MATN2: variants seen among roughly 807,000 people sequenced by gnomAD.
MATN2 encodes the protein matrilin-2.
MATN2 carries 69 observed loss-of-function variants against 103.2 expected under a neutral mutation model. The observed-to-expected ratio is 0.67, with a 90% CI of 0.55 to 0.82. The LOEUF (loss-of-function observed/expected upper bound fraction) is 0.82, where lower values mean the gene tolerates loss of function less well. Ranked by LOEUF, MATN2 falls within the 40% of genes least tolerant of loss-of-function variation. The pLI is 0.00. For missense variants in MATN2, 1,023 were observed against 1,211.5 expected (o/e 0.84, Z 2.31); for synonymous variants, 429 against 450.2 (o/e 0.95, Z 0.60).
At chr8:98,035,540 A>G (rs1387134085) in intron 18 of MATN2, 117 bp from the exon 19 acceptor site, 9 of 595,336 alleles carry the variant, frequency 1.5e-5, no homozygotes, top group African/African-American at 1.3e-4. Flanking sequence ...CAGAAATGGG[A>G]AAAAAAACCA....
chr8:97,962,006 G>A (rs1811330112), intron 5 of MATN2, among the ~76,000 whole-genome samples: 1 of 152,198 alleles, frequency 6.6e-6, no homozygotes, highest in African/African-American at 2.4e-5. Flanking sequence ...CCAGCCATAT[G>A]GGCTCAGCGT....
chr8:98,033,232 CCAA>C, intron 17 of MATN2, 56 bp downstream of exon 17: 1 of 1,460,082 alleles, frequency 6.8e-7, no homozygotes, highest in Non-Finnish European at 9.2e-7. Context: ...TTTCGGCTTG[CCAA>C]CAACCTTAGC....
At chr8:97,921,630 C>T (rs534782569) in intron 2 of MATN2, among the ~76,000 whole-genome samples, 2 of 152,320 alleles carry the variant, frequency 1.3e-5, no homozygotes, top group South Asian at 4.1e-4. Flanking sequence ...CCCTTAAGCA[C>T]TGAGAGCTGG....
At chr8:97,902,005 G>A (rs562392800) in intron 2 of MATN2, among the ~76,000 whole-genome samples, 3 of 151,956 alleles carry the variant, frequency 2.0e-5, no homozygotes, top group Admixed American at 6.5e-5. Context: ...ACTGAGTTAC[G>A]TTTTAATAGG....
chr8:98,015,701 A>G (rs1813335627), intron 10 of MATN2, among the ~76,000 whole-genome samples: 1 of 152,106 alleles, frequency 6.6e-6, no homozygotes. Flanking sequence ...CTCTTCCTCC[A>G]TAGCACTTTT....
In MATN2 at chr8:98,035,743, T is replaced by C. The variant is rs1457614900; in HGVS notation, c.*31T>C. ...AGAAATCGCGACACATTTGTAGTCA[T>C]TGTATCACGGATTACAATGAACGCA... On this transcript the variant is annotated 3_prime_UTR_variant, in exon 19 of 19. Transcript: ENST00000254898. 7 of 1,508,742 alleles carry C rather than the reference T, an allele frequency of 4.6e-6. No homozygotes were observed. Among genetic ancestry groups the C allele is most frequent in the Admixed American group, 3.5e-5 (2 of 56,572 alleles). The allele number at this position is 1,508,742 out of a possible 1,614,324, so 93.5% of individuals were successfully genotyped here.
In MATN2 at chr8:97,999,861, C is replaced by CT. The variant is rs71271182; in HGVS notation, c.1205-3781dup. ...CACCTGGGAGGGCACGTCACGGATT[C>CT]TTTTTTTTTTTTTTTTTTTAATTTT... On this transcript the variant is annotated intron_variant, in intron 7 of 18. Transcript: ENST00000254898. 4.2e-4 allele frequency among the ~76,000 whole-genome samples: 58 copies of CT among 138,432 alleles called. 1 individual carries two copies. The highest frequency in any genetic ancestry group is 2.1e-3 in the South Asian group (9 of 4,210). The allele number at this position is 138,432 out of a possible 152,430, so 90.8% of individuals were successfully genotyped here.
At chr8:98,019,039 A>AT (rs1813478131) in intron 12 of MATN2, among the ~76,000 whole-genome samples, 2 of 148,976 alleles carry the variant, frequency 1.3e-5, no homozygotes, top group East Asian at 3.9e-4. Context: ...AATATAATAG[A>AT]AGACATATAT....
chr8:97,966,954 C>T (rs1471867851), intron 5 of MATN2, among the ~76,000 whole-genome samples: 2 of 152,154 alleles, frequency 1.3e-5, no homozygotes, highest in Non-Finnish European at 2.9e-5. Context: ...GGAAGCATGA[C>T]ACCAGCATCT....
chr8:97,875,544 C>T (rs868827669), intron 1 of MATN2, among the ~76,000 whole-genome samples: 1 of 152,140 alleles, frequency 6.6e-6, no homozygotes, highest in Non-Finnish European at 1.5e-5. Context: ...CACCCATAGC[C>T]CCCTTTGGAC....
chr8:97,971,101 T>G (rs1246151552), intron 5 of MATN2, among the ~76,000 whole-genome samples: 1 of 152,114 alleles, frequency 6.6e-6, no homozygotes, highest in Non-Finnish European at 1.5e-5. Flanking sequence ...GGGAGGGGTC[T>G]GGCATGTCAT....
At chr8:97,876,110 C>T (rs986201030) in intron 1 of MATN2, among the ~76,000 whole-genome samples, 1 of 152,034 alleles carries the variant, frequency 6.6e-6, no homozygotes, top group Non-Finnish European at 1.5e-5. Flanking sequence ...CTTCCTGGCT[C>T]TAGCCAACCT....
intron 1 of MATN2, among the ~76,000 whole-genome samples, chr8:97,876,550 C>T (rs1240586909): frequency 1.3e-5 from 2 of 152,010 alleles, no homozygotes; most frequent in Non-Finnish European, 2.9e-5. Context: ...TCTTGAACTC[C>T]TGAGCTCAAG....
intron 2 of MATN2, among the ~76,000 whole-genome samples, chr8:97,891,950 A>C (rs921710902): frequency 6.6e-6 from 1 of 151,658 alleles, no homozygotes; most frequent in South Asian, 2.1e-4. Context: ...AAAATAAAAA[A>C]ATGAGGCCGT....
intron 15 of MATN2, 50 bp downstream of exon 15, chr8:98,030,664 CT>C (rs36040926): frequency 3.4e-4 from 526 of 1,527,322 alleles, no homozygotes; most frequent in Admixed American, 6.8e-4. Flanking sequence ...GCATGAACTC[CT>C]TTTTTTTTGT....
chr8:97,924,162 T>C (rs765530638), intron 2 of MATN2, among the ~76,000 whole-genome samples: 1 of 152,192 alleles, frequency 6.6e-6, no homozygotes, highest in Non-Finnish European at 1.5e-5. Context: ...TGATAACCCT[T>C]GTTAAATTCA....
chr8:97,975,716 A>G (rs903454700), intron 5 of MATN2, among the ~76,000 whole-genome samples: 2 of 152,172 alleles, frequency 1.3e-5, no homozygotes, highest in African/African-American at 4.8e-5. Context: ...GGAGATTTTC[A>G]TCATGGTGAA....
At chr8:97,980,615 A>G (rs1269387169) in intron 6 of MATN2, among the ~76,000 whole-genome samples, 5 of 128,536 alleles carry the variant, frequency 3.9e-5, no homozygotes, top group African/African-American at 9.3e-5. Flanking sequence ...CCCAGGCTGG[A>G]GAGCAGTGAT....
chr8:97,988,230 A>G (rs1490845304), intron 6 of MATN2, among the ~76,000 whole-genome samples: 3 of 145,930 alleles, frequency 2.1e-5, no homozygotes, highest in Non-Finnish European at 4.5e-5. Context: ...ATATATATAT[A>G]TATATACAGA....
Sources: allele counts gnomAD v4.1 joint callset (sites outside exome capture counted in the v4.1 genomes callset), GRCh38; gene constraint gnomAD v4.1.1; transcripts MANE v1.5; gene names NCBI Gene and HGNC (gene_info 2026-07-23, HGNC 2026-07-21).